MYO5B: variants seen among roughly 807,000 people sequenced by gnomAD.
The protein encoded by MYO5B is unconventional myosin-Vb.
Under a neutral mutation model 229.3 loss-of-function variants are expected in MYO5B, and 143 were observed. That is an observed-to-expected ratio of 0.62 (90% confidence interval 0.54 to 0.72). The LOEUF is 0.72. Among genes scored for constraint, MYO5B ranks in the 30% least tolerant of loss-of-function variants. The probability of loss-of-function intolerance (pLI) is 0.00; values close to 1 mark genes in which losing one functional copy is unlikely to be tolerated. For synonymous variants in MYO5B, 918 were observed against 885.2 expected, an observed-to-expected ratio of 1.04 and a Z score of -0.66; for missense variants, 2,321 against 2,331.0, an observed-to-expected ratio of 1.00 and a Z score of 0.09.
At position 49,904,676 on chromosome 18, in the gene MYO5B, C is replaced by T. The variant is rs909999412; in HGVS notation, c.2567G>A (p.Arg856His). The T allele has an allele frequency of 1.9e-6, 3 of 1,613,666 alleles. No homozygotes were observed. Among genetic ancestry groups the T allele is most frequent in the East Asian group, 4.5e-5 (2 of 44,880 alleles). Residue 856 changes from arginine to histidine, a missense_variant, in exon 20 of 40, where the codon CGC becomes CAC. By Grantham distance (29) the Arg-to-His change is conservative. Coordinates refer to ENST00000285039, the MANE Select transcript of MYO5B (RefSeq NM_001080467.3). ...GCCCTCAGAGTGGCTACTCACCTGG[C>T]GGTAGGTTCTCCGCACAAACATGGC... ...TRAMFVRRTYRQVLMEHKATT... is the reference protein window; with the variant it reads ...TRAMFVRRTYHQVLMEHKATT...
At chr18:49,868,834 A>T (rs2024426377) in intron 27 of MYO5B, among the ~76,000 whole-genome samples, 1 of 152,098 alleles carries the variant, frequency 6.6e-6, no homozygotes, top group African/African-American at 2.4e-5. Flanking sequence ...ACATGACCTT[A>T]CCCCAAATGG....
In MYO5B at chr18:49,839,291, A is replaced by C; in HGVS notation, c.4705T>G (p.Phe1569Val). The change falls in exon 36 of 40, where the codon TTC becomes GTC. Residue 1569 changes from phenylalanine to valine, a missense_variant. Coordinates refer to ENST00000285039, the MANE Select transcript of MYO5B (RefSeq NM_001080467.3). ...TGCTTTGCAGTGTTCTGAGTCATGA[A>C]GCCCTGCAGAGGGAGAGGCGTGCAC... The part of the protein sequence containing the change: ...CLKQYSGDEG[F>V]MTQNTAKQNE... The C allele has an allele frequency of 6.2e-7, 1 of 1,613,664 alleles. No homozygotes were observed. The highest frequency in any genetic ancestry group is 8.5e-7 in the Non-Finnish European group (1 of 1,180,026).
intron 4 of MYO5B, among the ~76,000 whole-genome samples, chr18:50,028,354 T>A (rs2026353277): frequency 6.6e-6 from 1 of 152,208 alleles, no homozygotes; most frequent in South Asian, 2.1e-4. Flanking sequence ...AAATTCTGCA[T>A]GAGTACCTCA....
chr18:49,828,525 A>G (rs2023873983), intron 39 of MYO5B, among the ~76,000 whole-genome samples: 1 of 152,340 alleles, frequency 6.6e-6, no homozygotes, highest in East Asian at 1.9e-4. Context: ...GGATAGAACC[A>G]GATAGAAGAT....
At chr18:50,048,853 T>C (rs186006760) in intron 2 of MYO5B, among the ~76,000 whole-genome samples, 12 of 152,088 alleles carry the variant, frequency 7.9e-5, no homozygotes, top group African/African-American at 2.9e-4. Context: ...TGAAACTCCG[T>C]CTCTACTTAA....
intron 21 of MYO5B, among the ~76,000 whole-genome samples, chr18:49,902,160 T>A (rs2024848613): frequency 1.3e-5 from 2 of 152,224 alleles, no homozygotes; most frequent in South Asian, 4.1e-4. Context: ...GCATTCTTTC[T>A]GGACGCTCTA....
At chr18:50,149,032 C>T (rs1247355441) in intron 1 of MYO5B, among the ~76,000 whole-genome samples, 3 of 151,270 alleles carry the variant, frequency 2.0e-5, no homozygotes, top group African/African-American at 4.8e-5. Flanking sequence ...CATTCTTATA[C>T]ACCAATAACA....
intron 16 of MYO5B, among the ~76,000 whole-genome samples, chr18:49,932,661 T>A (rs766951544): frequency 5.9e-5 from 9 of 152,090 alleles, no homozygotes; most frequent in Non-Finnish European, 8.8e-5. Flanking sequence ...AATGACTATG[T>A]TACAAAAACA....
chr18:50,009,476 AC>A (rs1201595688), intron 4 of MYO5B, among the ~76,000 whole-genome samples: 2 of 152,318 alleles, frequency 1.3e-5, no homozygotes, highest in East Asian at 3.9e-4. Flanking sequence ...AACACACAAA[AC>A]TATATTAATA....
chr18:49,898,178 C>T (rs1481522808), intron 21 of MYO5B, among the ~76,000 whole-genome samples: 2 of 152,150 alleles, frequency 1.3e-5, no homozygotes, highest in African/African-American at 4.8e-5. Flanking sequence ...ACAAACTCAC[C>T]TAACGATGCA....
intron 1 of MYO5B, among the ~76,000 whole-genome samples, chr18:50,060,224 A>G (rs1282356647): frequency 6.6e-6 from 1 of 152,230 alleles, no homozygotes; most frequent in Non-Finnish European, 1.5e-5. Context: ...TAGAGATTGC[A>G]AACAGTATCT....
intron 5 of MYO5B, among the ~76,000 whole-genome samples, chr18:49,997,886 T>C (rs1321190357): frequency 6.6e-6 from 1 of 152,086 alleles, no homozygotes; most frequent in South Asian, 2.1e-4. Context: ...GATTGCTTTG[T>C]TGGGAGGTGC....
rs564398800 is a variant in MYO5B at position 50,119,223 on chromosome 18, C to T, written c.28-63845G>A. Among the ~76,000 whole-genome samples, 5 of 152,304 alleles carry T rather than the reference C, an allele frequency of 3.3e-5. No individual in the cohort carries two copies. In the East Asian group the frequency reaches 5.8e-4, roughly 18 times the overall value. On this transcript the variant is annotated intron_variant, in intron 1 of 39. Transcript: ENST00000285039. The stretch of plus-strand genomic sequence containing the variant: ...AGCTCCGGGTGATGCTGCAGAGGGG[C>T]CCACATGGAGCTGCACTGTTCTATC...
intron 1 of MYO5B, among the ~76,000 whole-genome samples, chr18:50,080,493 T>C (rs924089898): frequency 7.9e-5 from 12 of 152,132 alleles, no homozygotes; most frequent in African/African-American, 2.7e-4. Context: ...ATACAGCATG[T>C]GGGGGAAACC....
intron 14 of MYO5B, chr18:49,946,272 A>C (rs2025372152): frequency 6.6e-6 from 1 of 152,152 alleles, no homozygotes; most frequent in African/African-American, 2.4e-5. Context: ...TGAAAATCCA[A>C]AATGCAAAAA....
At chr18:50,025,776 C>A (rs189678573) in intron 4 of MYO5B, among the ~76,000 whole-genome samples, 1 of 152,182 alleles carries the variant, frequency 6.6e-6, no homozygotes, top group Non-Finnish European at 1.5e-5. Context: ...AGGACCCCAG[C>A]AGGGGCCCGT....
intron 1 of MYO5B, among the ~76,000 whole-genome samples, chr18:50,100,189 CTAGAG>C (rs1238773929): frequency 1.3e-5 from 2 of 152,202 alleles, no homozygotes; most frequent in African/African-American, 4.8e-5. Context: ...TGGATATTCA[CTAGAG>C]TAAATACTTA....
At chr18:50,016,984 C>G (rs1413349271) in intron 4 of MYO5B, among the ~76,000 whole-genome samples, 1 of 151,940 alleles carries the variant, frequency 6.6e-6, no homozygotes, top group East Asian at 1.9e-4. Context: ...AATCTACTCC[C>G]CCAATCTACC....
chr18:50,008,522 C>A (rs909086044), intron 4 of MYO5B, among the ~76,000 whole-genome samples: 1 of 152,168 alleles, frequency 6.6e-6, no homozygotes, highest in Non-Finnish European at 1.5e-5. Flanking sequence ...CATGATTCAC[C>A]CACAGGAAGG....
Sources: gnomAD v4.1 joint callset for allele counts (sites outside exome capture counted in the v4.1 genomes callset) on GRCh38, gnomAD v4.1.1 for gene constraint, MANE v1.5 for transcripts, NCBI Gene and HGNC (gene_info 2026-07-23, HGNC 2026-07-21) for gene names.